The following LINGO2 variants were observed in gnomAD, a reference collection of about 807,000 sequenced individuals.
LINGO2 encodes leucine-rich repeat and immunoglobulin-like domain-containing nogo receptor-interacting protein 2.
A neutral mutation model predicts 30.6 loss-of-function variants in LINGO2; 14 were observed. The ratio of observed to expected loss-of-function variants is 0.46; its 90% CI spans 0.30 to 0.72. The LOEUF is 0.72. Ranked by LOEUF, LINGO2 falls within the 30% of genes least tolerant of loss-of-function variation. The pLI is 0.07. For missense variants in LINGO2, 729 were observed against 751.7 expected, an observed-to-expected ratio of 0.97 and a Z score of 0.35; for synonymous variants, 317 against 288.5, an observed-to-expected ratio of 1.10 and a Z score of -1.00.
At chr9:27,960,339 C>G (rs1406743810) in intron 5 of LINGO2, among the ~76,000 whole-genome samples, 1 of 152,136 alleles carries the variant, frequency 6.6e-6, no homozygotes, top group Admixed American at 6.6e-5. Flanking sequence ...ACACTTGAAG[C>G]CAAATATTTC....
intron 1 of LINGO2, among the ~76,000 whole-genome samples, chr9:28,629,775 A>C (rs905541187): frequency 1.3e-5 from 2 of 152,096 alleles, no homozygotes; most frequent in Non-Finnish European, 2.9e-5. Flanking sequence ...AGGCATATAA[A>C]TGGGTTCAGA....
chr9:28,528,494 A>T (rs1306862627), intron 1 of LINGO2, among the ~76,000 whole-genome samples: 1 of 152,182 alleles, frequency 6.6e-6, no homozygotes, highest in East Asian at 1.9e-4. Context: ...GGAATCTGAA[A>T]TGGCAGTCAA....
chr9:28,103,729 C>T (rs180876489), intron 4 of LINGO2, among the ~76,000 whole-genome samples: 6 of 152,318 alleles, frequency 3.9e-5, no homozygotes, highest in Non-Finnish European at 7.3e-5. Flanking sequence ...TGTGGGGTGA[C>T]TTGACATATT....
At chr9:28,843,022 A>G in the LINGO2 span, among the ~76,000 whole-genome samples, 1 of 151,880 alleles carries the variant, frequency 6.6e-6, no homozygotes, top group Non-Finnish European at 1.5e-5. Flanking sequence ...TTAAAGGAAC[A>G]TGATAAACGC....
At chr9:28,520,516 T>C (rs923013714) in intron 1 of LINGO2, among the ~76,000 whole-genome samples, 8 of 152,150 alleles carry the variant, frequency 5.3e-5, no homozygotes, top group Non-Finnish European at 1.2e-4. Context: ...AAGGCAGTAA[T>C]CATTACTTGA....
At chr9:28,005,404 TAAA>T (rs1048254906) in intron 5 of LINGO2, among the ~76,000 whole-genome samples, 5 of 152,292 alleles carry the variant, frequency 3.3e-5, no homozygotes, top group African/African-American at 1.2e-4. Flanking sequence ...GAGACAGGAT[TAAA>T]AAACTTTTCT....
the LINGO2 span, among the ~76,000 whole-genome samples, chr9:29,059,626 T>TA: frequency 7.2e-5 from 11 of 151,760 alleles, no homozygotes; most frequent in African/African-American, 2.7e-4. Flanking sequence ...ACACAATTTA[T>TA]AAAAAAAGGA....
the LINGO2 span, among the ~76,000 whole-genome samples, chr9:28,778,893 T>C: frequency 6.6e-6 from 1 of 152,310 alleles, no homozygotes; most frequent in East Asian, 1.9e-4. Flanking sequence ...AAGCATTAGA[T>C]TCTGAAAATA....
intron 1 of LINGO2, among the ~76,000 whole-genome samples, chr9:28,488,835 G>T (rs1474370394): frequency 6.6e-6 from 1 of 152,084 alleles, no homozygotes; most frequent in African/African-American, 2.4e-5. Context: ...AATTGTAATG[G>T]TGCTTGAATT....
At chr9:28,375,855 C>A (rs960562017) in intron 2 of LINGO2, among the ~76,000 whole-genome samples, 1 of 152,152 alleles carries the variant, frequency 6.6e-6, no homozygotes, top group African/African-American at 2.4e-5. Flanking sequence ...AGAGGAGACA[C>A]TGCCTCTGAG....
At chr9:28,497,049 C>T (rs1819662444) in intron 1 of LINGO2, among the ~76,000 whole-genome samples, 1 of 152,176 alleles carries the variant, frequency 6.6e-6, no homozygotes, top group East Asian at 1.9e-4. Context: ...GCTGGACTTC[C>T]CTTTGTGGGT....
At chr9:28,290,451 A>C (rs1358270225) in intron 4 of LINGO2, among the ~76,000 whole-genome samples, 3 of 152,200 alleles carry the variant, frequency 2.0e-5, no homozygotes, top group African/African-American at 7.2e-5. Flanking sequence ...AAAGTGTTAC[A>C]GAAACACCAG....
the LINGO2 span, among the ~76,000 whole-genome samples, chr9:29,155,461 C>A: frequency 6.6e-6 from 1 of 151,918 alleles, no homozygotes; most frequent in African/African-American, 2.4e-5. Flanking sequence ...CTACAATTCT[C>A]TCCCACAAGT....
In LINGO2 at chr9:28,039,174, G is replaced by A. The variant is rs141135650; in HGVS notation, c.-86-26769C>T. Among the ~76,000 whole-genome samples the A allele has an allele frequency of 2.0e-3, 297 of 152,252 alleles. 1 individual carries two copies. Among genetic ancestry groups the A allele is most frequent in the African/African-American group, 6.4e-3 (267 of 41,554 alleles). On this transcript the variant is annotated intron_variant, in intron 4 of 5. Coordinates refer to ENST00000379992, the Ensembl canonical transcript of LINGO2. ...CAAATTGAAAAACAAGTATAAGTAGGCCGTGGGCATCTACAAACTGAACAT... is the reference window on the plus strand; with the variant it reads ...CAAATTGAAAAACAAGTATAAGTAGACCGTGGGCATCTACAAACTGAACAT...
the LINGO2 span, among the ~76,000 whole-genome samples, chr9:29,175,953 A>G: frequency 6.6e-6 from 1 of 152,112 alleles, no homozygotes; most frequent in Non-Finnish European, 1.5e-5. Context: ...ACTAAACCCT[A>G]GGCAGCAGTC....
At chr9:28,814,145 A>T in the LINGO2 span, among the ~76,000 whole-genome samples, 1 of 152,216 alleles carries the variant, frequency 6.6e-6, no homozygotes. Flanking sequence ...AAGTCTTAAA[A>T]ATAGAACTGC....
At chr9:28,974,247 A>G in the LINGO2 span, among the ~76,000 whole-genome samples, 1 of 151,968 alleles carries the variant, frequency 6.6e-6, no homozygotes, top group Non-Finnish European at 1.5e-5. Context: ...TCTACCAAAA[A>G]TACAAAAAAG....
At chr9:27,955,460 G>A (rs541273895) in intron 5 of LINGO2, among the ~76,000 whole-genome samples, 7 of 152,112 alleles carry the variant, frequency 4.6e-5, no homozygotes, top group South Asian at 4.1e-4. Context: ...CCTCTTTTCC[G>A]TCTATCCCAA....
chr9:29,026,577 T>C, the LINGO2 span, among the ~76,000 whole-genome samples: 13 of 152,110 alleles, frequency 8.5e-5, no homozygotes, highest in African/African-American at 1.4e-4. Context: ...ATTTATATTT[T>C]TGTCAACTAT....
Sources: allele counts gnomAD v4.1 joint callset (sites outside exome capture counted in the v4.1 genomes callset), GRCh38; gene constraint gnomAD v4.1.1; transcripts MANE v1.5; gene names NCBI Gene and HGNC (gene_info 2026-07-23, HGNC 2026-07-21).